Variants in GNPTAB observed in about 807,000 individuals in gnomAD.
GNPTAB encodes the protein N-acetylglucosamine-1-phosphate transferase subunits alpha and beta, also known as N-acetylglucosamine-1-phosphotransferase subunits alpha/beta.
GNPTAB carries 92 observed loss-of-function variants against 136.6 expected under a neutral mutation model. That is an observed-to-expected ratio of 0.67 (90% CI 0.57 to 0.80). GNPTAB has a LOEUF of 0.80. Ranked by LOEUF, GNPTAB falls within the 30% of genes least tolerant of loss-of-function variation. GNPTAB has a pLI of 0.00. For missense variants in GNPTAB, 1,343 were observed against 1,501.8 expected, an observed-to-expected ratio of 0.89 and a Z score of 1.75; for synonymous variants, 512 against 535.1, an observed-to-expected ratio of 0.96 and a Z score of 0.60.
chr12:101,759,759 C>T (rs528369917), intron 16 of GNPTAB, among the ~76,000 whole-genome samples: 3 of 152,194 alleles, frequency 2.0e-5, no homozygotes, highest in Non-Finnish European at 4.4e-5. Flanking sequence ...AATGAGAATA[C>T]TCTGGGGCTA....
chr12:101,827,480 C>T (rs1017851165), intron 1 of GNPTAB, among the ~76,000 whole-genome samples: 1 of 152,126 alleles, frequency 6.6e-6, no homozygotes, highest in Non-Finnish European at 1.5e-5. Flanking sequence ...AAGCAATCCT[C>T]CAGCCTTAGT....
chr12:101,805,665 G>A (rs1869897048), intron 1 of GNPTAB, among the ~76,000 whole-genome samples: 1 of 152,102 alleles, frequency 6.6e-6, no homozygotes, highest in African/African-American at 2.4e-5. Flanking sequence ...CAAAATGCTG[G>A]GATTCAGGCC....
chr12:101,770,535 T>C lies in GNPTAB; in HGVS notation c.984A>G (p.Glu328=), dbSNP rs376330291. ...ISASRFEDNE[E]LRYSLRSIER... is the part of the protein sequence containing the mutation. ...CGATAGATCGCAATGAGTACCTCAG[T>C]TCTTCGTTATCTTCAAAACGACTGG... Residue 328 remains glutamate (E), a synonymous_variant, in exon 9 of 21, where the codon GAA becomes GAG. Coordinates refer to ENST00000299314, the MANE Select transcript of GNPTAB (RefSeq NM_024312.5). 49 of 1,613,590 alleles carry C rather than the reference T, an allele frequency of 3.0e-5. No individual in the cohort carries two copies. Among genetic ancestry groups the C allele is most frequent in the African/African-American group, 2.8e-4 (21 of 74,928 alleles).
At chr12:101,785,412 T>G (rs1406071221) in intron 5 of GNPTAB, among the ~76,000 whole-genome samples, 1 of 152,082 alleles carries the variant, frequency 6.6e-6, no homozygotes, top group Non-Finnish European at 1.5e-5. Context: ...TAGAGACAGG[T>G]TCCCACTATG....
chr12:101,803,470 T>C (rs909965375), intron 1 of GNPTAB, among the ~76,000 whole-genome samples: 1 of 152,144 alleles, frequency 6.6e-6, no homozygotes, highest in Non-Finnish European at 1.5e-5. Context: ...CTTTAAAAAA[T>C]TAGGAGTTCA....
intron 16 of GNPTAB, among the ~76,000 whole-genome samples, chr12:101,759,264 G>C (rs370749930): frequency 1.4e-3 from 211 of 151,474 alleles, no homozygotes; most frequent in African/African-American, 3.7e-3. Flanking sequence ...TCAGGAGGCT[G>C]AGGCAGGAGA....
rs1953068060 is a variant in GNPTAB at position 101,765,064 on chromosome 12, T to C, written c.1853A>G (p.Gln618Arg). The part of the protein sequence containing the change: ...ATTIHFNLTF[Q>R]NTNDEEFKMQ... ...TTTGAACTCTTCATCGTTTGTATTT[T>C]GAAACGTGAGATTAAAATGTATTGT... The change falls in exon 13 of 21, where the codon CAA becomes CGA. Residue 618 changes from glutamine to arginine, a missense_variant. By Grantham distance (43) the Gln-to-Arg change is conservative. Coordinates refer to ENST00000299314, the MANE Select transcript of GNPTAB (RefSeq NM_024312.5). 6.2e-7 allele frequency: 1 copy of C among 1,614,178 alleles called. No homozygotes were observed. The highest frequency in any genetic ancestry group is 8.5e-7 in the Non-Finnish European group (1 of 1,179,978).
At position 101,760,294 on chromosome 12, in the gene GNPTAB, CTAAGA is replaced by C. The variant is rs1952973995; in HGVS notation, c.3136-156_3136-152del. 3 of 638,086 alleles carry C rather than the reference CTAAGA, an allele frequency of 4.7e-6. No individual in the cohort carries two copies. The South Asian group carries it at 5.4e-5, about 12-fold the overall frequency. 39.5% of individuals were successfully genotyped at this position (638,086 alleles called of 1,614,324 possible). A position where few individuals can be genotyped will look rare whatever the true frequency, so the allele number is the denominator to read the frequency against. On this transcript the variant is annotated intron_variant, in intron 15 of 20. Coordinates refer to ENST00000299314, the MANE Select transcript of GNPTAB (RefSeq NM_024312.5). ...ATATGATTCTTAAGATAAAGGCACTCTAAGAAGAGCAGAATGAGACAATGCCAACA... is the reference window on the plus strand; with the variant it reads ...ATATGATTCTTAAGATAAAGGCACTCAGAGCAGAATGAGACAATGCCAACA...
intron 16 of GNPTAB, among the ~76,000 whole-genome samples, chr12:101,759,021 T>C (rs904322472): frequency 1.3e-5 from 2 of 152,224 alleles, no homozygotes; most frequent in Non-Finnish European, 2.9e-5. Flanking sequence ...GTTCAACTCA[T>C]ACTGTCTATA....
intron 1 of GNPTAB, among the ~76,000 whole-genome samples, chr12:101,825,059 C>G (rs934614713): frequency 6.6e-6 from 1 of 152,188 alleles, no homozygotes; most frequent in South Asian, 2.1e-4. Context: ...AGAACTGCCT[C>G]GAGGATGTTT....
intron 2 of GNPTAB, among the ~76,000 whole-genome samples, chr12:101,795,613 C>T (rs1226504173): frequency 1.3e-5 from 2 of 151,730 alleles, no homozygotes; most frequent in South Asian, 2.1e-4. Context: ...ATTAGCTGTG[C>T]GTGGTGGTGC....
At chr12:101,816,893 C>T (rs536244446) in intron 1 of GNPTAB, among the ~76,000 whole-genome samples, 15 of 152,236 alleles carry the variant, frequency 9.9e-5, no homozygotes, top group South Asian at 2.1e-4. Context: ...TAATTTGCAG[C>T]GCATGGATGG....
chr12:101,777,874 C>T (rs932466456), intron 7 of GNPTAB, among the ~76,000 whole-genome samples: 15 of 152,180 alleles, frequency 9.9e-5, no homozygotes, highest in African/African-American at 3.6e-4. Flanking sequence ...GTCCTAGTCC[C>T]TGAAGTTGAT....
intron 1 of GNPTAB, among the ~76,000 whole-genome samples, chr12:101,827,320 C>A (rs1453829531): frequency 6.6e-6 from 1 of 152,092 alleles, no homozygotes; most frequent in Non-Finnish European, 1.5e-5. Flanking sequence ...AGGCTGGTCT[C>A]AAACTCCTGA....
Position 101,768,132 on chromosome 12 carries a change from C to T in GNPTAB, c.1313G>A (p.Cys438Tyr). The part of the protein sequence containing the change: ...KVYLTWPVPN[C>Y]AEGCPGSWIK... ...CCAGGAACCTGGGCAGCCCTCGGCA[C>T]AGTTTGGCACAGGCCATGTCAAATA... Residue 438 changes from cysteine (C) to tyrosine (Y), a missense_variant, in exon 11 of 21, where the codon TGT (cysteine) becomes TAT (tyrosine). Physicochemically the swap from Cys to Tyr is radical, Grantham distance 194. Coordinates refer to ENST00000299314, the MANE Select transcript of GNPTAB (RefSeq NM_024312.5). 1 of 1,614,140 alleles carries T rather than the reference C, an allele frequency of 6.2e-7. No homozygotes were observed. Among genetic ancestry groups the T allele is most frequent in the Admixed American group, 1.7e-5 (1 of 60,010 alleles).
At chr12:101,781,596 GATC>G (rs1468089776) in intron 5 of GNPTAB, among the ~76,000 whole-genome samples, 1 of 152,122 alleles carries the variant, frequency 6.6e-6, no homozygotes, top group African/African-American at 2.4e-5. Flanking sequence ...GAGATGGGAG[GATC>G]ATCTGAGCCC....
intron 1 of GNPTAB, among the ~76,000 whole-genome samples, chr12:101,823,651 C>G (rs952875133): frequency 6.7e-6 from 1 of 149,560 alleles, no homozygotes; most frequent in African/African-American, 2.5e-5. Flanking sequence ...GTTTTTCTCT[C>G]ACAATGTGAT....
chr12:101,778,200 T>C (rs1398233370), intron 7 of GNPTAB: 1 of 152,154 alleles, frequency 6.6e-6, no homozygotes, highest in Non-Finnish European at 1.5e-5. Flanking sequence ...AGTAGACGCA[T>C]GAGAGCAGTC....
chr12:101,766,028 ACTCT>A (rs1391081081), intron 12 of GNPTAB, 59 bp downstream of exon 12: 8 of 1,382,096 alleles, frequency 5.8e-6, no homozygotes, highest in East Asian at 2.3e-5. Context: ...GCCATTCAAA[ACTCT>A]CTCTACCTGT....
Sources: allele counts gnomAD v4.1 joint callset (sites outside exome capture counted in the v4.1 genomes callset), GRCh38; gene constraint gnomAD v4.1.1; transcripts MANE v1.5; gene names NCBI Gene and HGNC (gene_info 2026-07-23, HGNC 2026-07-21).